The following NR2C1 variants were observed in gnomAD, a reference collection of about 807,000 sequenced individuals.
NR2C1 encodes nuclear receptor subfamily 2 group C member 1.
NR2C1 carries 33 observed loss-of-function variants against 74.8 expected under a neutral mutation model. That is an observed-to-expected ratio of 0.44 (90% CI 0.33 to 0.59). The LOEUF (loss-of-function observed/expected upper bound fraction) is 0.59. Ranked by LOEUF, NR2C1 falls within the 20% of genes least tolerant of loss-of-function variation. NR2C1 has a pLI of 0.02. For missense variants in NR2C1, 568 were observed against 715.6 expected (o/e 0.79, Z 2.35); for synonymous variants, 225 against 240.6 (o/e 0.94, Z 0.60).
At chr12:95,025,458 A>C (rs570503949) in intron 12 of NR2C1, 1 of 354,010 alleles carries the variant, frequency 2.8e-6, no homozygotes, top group Non-Finnish European at 5.0e-6. Context: ...CAGGAGTTCA[A>C]GACCAGCCTG....
chr12:95,057,769 A>C lies in NR2C1; in HGVS notation c.654T>G (p.Thr218=). 6.2e-7 allele frequency: 1 copy of C among 1,614,150 alleles called. No homozygotes were observed. Among genetic ancestry groups the C allele is most frequent in the Non-Finnish European group, 8.5e-7 (1 of 1,180,004 alleles). Reference sequence around the variant, plus strand: ...TATCTGTTACAAAAGTTGGAGTTGCAGTTAATGGGCTACGAAGGTCCTTTC... The same window carrying C: ...TATCTGTTACAAAAGTTGGAGTTGCCGTTAATGGGCTACGAAGGTCCTTTC... ...YIRKDLRSPL[T]ATPTFVTDSE... The change falls in exon 6 of 14, where the codon ACT becomes ACG. Residue 218 remains threonine (T), a synonymous_variant. Transcript: ENST00000333003.
intron 9 of NR2C1, among the ~76,000 whole-genome samples, chr12:95,044,706 T>G (rs1343033162): frequency 6.6e-6 from 1 of 152,140 alleles, no homozygotes; most frequent in East Asian, 1.9e-4. Flanking sequence ...TGATGAAACC[T>G]CGTCTGTATT....
At position 95,040,515 on chromosome 12, in the gene NR2C1, A is replaced by G. The variant is rs763422628; in HGVS notation, c.1214T>C (p.Met405Thr). The G allele has an allele frequency of 1.9e-6, 3 of 1,614,044 alleles. No individual in the cohort carries two copies. Among genetic ancestry groups the G allele is most frequent in the Non-Finnish European group, 2.5e-6 (3 of 1,179,942 alleles). The stretch of plus-strand genomic sequence containing the variant: ...AGAAGGAATCGAAAGTGCCCAGTGC[A>G]TTGATAAGAACAGCAGTCTGGAGGC... ...ESASRLLFLS[M>T]HWALSIPSFQ... The change falls in exon 10 of 14, where the codon ATG becomes ACG. Residue 405 changes from methionine to threonine, a missense_variant. By Grantham distance (81) the Met-to-Thr change is moderately conservative. Coordinates refer to ENST00000333003, the MANE Select transcript of NR2C1 (RefSeq NM_003297.4).
At chr12:95,032,009 A>G (rs762006142) in intron 10 of NR2C1, among the ~76,000 whole-genome samples, 1 of 152,152 alleles carries the variant, frequency 6.6e-6, no homozygotes, top group Non-Finnish European at 1.5e-5. Flanking sequence ...CTGGGATTAC[A>G]GGCATGCACC....
intron 1 of NR2C1, among the ~76,000 whole-genome samples, chr12:95,072,430 C>T (rs1421876265): frequency 7.5e-6 from 1 of 132,796 alleles, no homozygotes; most frequent in South Asian, 2.4e-4. Context: ...TCCAGCTTGG[C>T]GACAGTGAGA....
intron 10 of NR2C1, among the ~76,000 whole-genome samples, chr12:95,039,586 G>C (rs1871254983): frequency 6.6e-6 from 1 of 152,164 alleles, no homozygotes; most frequent in Non-Finnish European, 1.5e-5. Flanking sequence ...GTTTCTTATA[G>C]TAGGCCATTT....
intron 7 of NR2C1, among the ~76,000 whole-genome samples, chr12:95,053,957 A>G (rs570297918): frequency 4.6e-5 from 7 of 152,296 alleles, no homozygotes; most frequent in African/African-American, 1.7e-4. Flanking sequence ...TGCTGGGATT[A>G]CAGGCGTGAG....
At chr12:95,036,638 G>A (rs186929274) in intron 10 of NR2C1, among the ~76,000 whole-genome samples, 1 of 151,704 alleles carries the variant, frequency 6.6e-6, no homozygotes, top group African/African-American at 2.4e-5. Flanking sequence ...AGCCTCCTGC[G>A]TAGCTGGGAT....
rs761768767 is a variant in NR2C1 at position 95,025,219 on chromosome 12, T to G, written c.1568A>C (p.Lys523Thr). The G allele has an allele frequency of 6.2e-7, 1 of 1,607,222 alleles. No individual in the cohort carries two copies. The highest frequency in any genetic ancestry group is 8.5e-7 in the Non-Finnish European group (1 of 1,175,096). ...TTCCACATAAGCCTTTTCCTGAAAT[T>G]TCTCTATCTGTTCCATGTTTTCTAG... ...PSLENMEQIE[K>T]FQEKAYVEFQ... is the part of the protein sequence containing the mutation. The change falls in exon 13 of 14, where the codon AAA (lysine) becomes ACA (threonine). Residue 523 changes from lysine (K) to threonine (T), a missense_variant. Lys to Thr is a moderately conservative substitution (Grantham distance 78). Transcript: ENST00000333003.
At chr12:95,059,568 C>T (rs933581992) in intron 4 of NR2C1, among the ~76,000 whole-genome samples, 2 of 151,570 alleles carry the variant, frequency 1.3e-5, no homozygotes, top group African/African-American at 4.8e-5. Context: ...AAAAATTAGC[C>T]ATGCGTGCTG....
At chr12:95,064,015 G>A (rs1875222693) in intron 2 of NR2C1, among the ~76,000 whole-genome samples, 1 of 105,118 alleles carries the variant, frequency 9.5e-6, no homozygotes, top group African/African-American at 3.6e-5. Context: ...GGCGACAGAG[G>A]ACTCTGCCTC....
At chr12:95,048,612 A>G (rs975695760) in intron 9 of NR2C1, among the ~76,000 whole-genome samples, 21 of 148,260 alleles carry the variant, frequency 1.4e-4, no homozygotes, top group Non-Finnish European at 3.0e-4. Context: ...TTGTTTCTAT[A>G]TGCAGATGAG....
At position 95,025,301 on chromosome 12, in the gene NR2C1, T is replaced by C. The variant is rs374908041; in HGVS notation, c.1532-46A>G. 2.0e-5 allele frequency: 20 copies of C among 982,498 alleles called. No homozygotes were observed. In the South Asian group the frequency reaches 2.6e-4, roughly 13 times the overall value. The allele number at this position is 982,498 out of a possible 1,614,324, so 60.9% of individuals were successfully genotyped here. A position where few individuals can be genotyped will look rare whatever the true frequency, so the allele number is the denominator to read the frequency against. On this transcript the variant is annotated intron_variant, in intron 12 of 13. Transcript: ENST00000333003. ...TTGGTACCCTAGTTCTGAATGTTCA[T>C]TTAAGACAGAGTGGATATGAAAAGA...
At chr12:95,069,262 A>G (rs2136208124) in intron 1 of NR2C1, among the ~76,000 whole-genome samples, 1 of 152,336 alleles carries the variant, frequency 6.6e-6, no homozygotes, top group South Asian at 2.1e-4. Context: ...TTAGGGAGAT[A>G]AACTATTTGT....
chr12:95,025,999 G>A (rs1869314214), intron 12 of NR2C1, among the ~76,000 whole-genome samples: 1 of 151,180 alleles, frequency 6.6e-6, no homozygotes, highest in Non-Finnish European at 1.5e-5. Context: ...CAAGGTCAGG[G>A]GTTCAAGACC....
rs570684691 is a variant in NR2C1, at chr12:95,072,279, C to A, written c.-8+1101G>T. Among the ~76,000 whole-genome samples the A allele has an allele frequency of 1.0e-3, 142 of 141,334 alleles. 1 individual carries two copies. The highest frequency in any genetic ancestry group is 3.5e-3 in the African/African-American group (138 of 39,098). 92.7% of individuals were successfully genotyped at this position (141,334 alleles called of 152,430 possible). A position where few individuals can be genotyped will look rare whatever the true frequency, so the allele number is the denominator to read the frequency against. ...CCACCTCTACTAAAAATACAAAAAA[C>A]AAAAACAAAAACAAAAACAAAAAAA... On this transcript the variant is annotated intron_variant, in intron 1 of 13. Transcript: ENST00000333003.
At chr12:95,064,853 T>C (rs1225826367) in intron 2 of NR2C1, among the ~76,000 whole-genome samples, 2 of 152,236 alleles carry the variant, frequency 1.3e-5, no homozygotes, top group Non-Finnish European at 1.5e-5. Flanking sequence ...TTTATTTTCC[T>C]GAAATTATTT....
rs142804191 is a variant in NR2C1 at position 95,062,026 on chromosome 12, C to A, written c.285+482G>T. ...CAATGTTGAAGCCAGCAGCTATAGT[C>A]CAAACTTCTTGATTTGGCAGCTTCC... On this transcript the variant is annotated intron_variant, in intron 3 of 13. Coordinates refer to ENST00000333003, the MANE Select transcript of NR2C1 (RefSeq NM_003297.4). Among the ~76,000 whole-genome samples the A allele has an allele frequency of 8.3e-4, 127 of 152,274 alleles. 2 individuals carry two copies. In the East Asian group the frequency reaches 0.022, roughly 26 times the overall value.
chr12:95,038,897 A>G (rs1871181421), intron 10 of NR2C1, among the ~76,000 whole-genome samples: 1 of 151,930 alleles, frequency 6.6e-6, no homozygotes, highest in African/African-American at 2.4e-5. Context: ...CAACTAACTA[A>G]AAAAAAATCA....
Sources: allele counts gnomAD v4.1 joint callset (sites outside exome capture counted in the v4.1 genomes callset), GRCh38; gene constraint gnomAD v4.1.1; transcripts MANE v1.5; gene names NCBI Gene and HGNC (gene_info 2026-07-23, HGNC 2026-07-21).